ERP44: variants seen among roughly 807,000 people sequenced by gnomAD.
ERP44 encodes the protein endoplasmic reticulum protein 44, also known as endoplasmic reticulum resident protein 44.
ERP44 carries 25 observed loss-of-function variants against 53.4 expected under a neutral mutation model. The observed-to-expected ratio is 0.47, with a 90% CI of 0.34 to 0.65. The LOEUF is 0.65. ERP44 is among the 30% of genes least tolerant of loss of function. The probability of loss-of-function intolerance (pLI) is 0.01; values close to 1 mark genes in which losing one functional copy is unlikely to be tolerated. For synonymous variants in ERP44, 145 were observed against 161.2 expected (o/e 0.90, Z 0.76); for missense variants, 338 against 493.2 (o/e 0.69, Z 2.98).
At chr9:100,054,097 C>G (rs1434170324) in intron 3 of ERP44, among the ~76,000 whole-genome samples, 1 of 152,178 alleles carries the variant, frequency 6.6e-6, no homozygotes, top group African/African-American at 2.4e-5. Flanking sequence ...TCTTCAATCT[C>G]TTGCTTTCAA....
chr9:100,065,797 C>T (rs1268514271), intron 1 of ERP44, among the ~76,000 whole-genome samples: 1 of 152,156 alleles, frequency 6.6e-6, no homozygotes, highest in Non-Finnish European at 1.5e-5. Flanking sequence ...GCTAATAAAA[C>T]ATCAGGTAAA....
rs568471807 is a variant in ERP44, at chr9:100,086,321, C to T, written c.57+12463G>A. The stretch of plus-strand genomic sequence containing the variant: ...TTTGATAAGGCTATGTCATAACTTA[C>T]CAAAGGAAAGAGACAAGTTAACAAA... On this transcript the variant is annotated intron_variant, in intron 1 of 11. Coordinates refer to ENST00000262455, the MANE Select transcript of ERP44 (RefSeq NM_015051.3). 5.3e-5 allele frequency among the ~76,000 whole-genome samples: 8 copies of T among 152,254 alleles called. No homozygotes were observed. In the South Asian group the frequency reaches 1.5e-3, roughly 28 times the overall value.
chr9:100,039,106 A>G lies in ERP44; in HGVS notation c.286+13311T>C, dbSNP rs546828536. 3.9e-4 allele frequency among the ~76,000 whole-genome samples: 59 copies of G among 152,316 alleles called. 2 individuals carry two copies. In the South Asian group the frequency reaches 0.012, roughly 30 times the overall value. On this transcript the variant is annotated intron_variant, in intron 4 of 11. Transcript: ENST00000262455. ...TAATAGCTGGAGACTTAAATACCCTACTTTCAGTCTTGGACAGATCTTCCA... is the reference window on the plus strand; with the variant it reads ...TAATAGCTGGAGACTTAAATACCCTGCTTTCAGTCTTGGACAGATCTTCCA...
At chr9:100,013,297 T>A (rs1830494793) in intron 8 of ERP44, among the ~76,000 whole-genome samples, 1 of 152,142 alleles carries the variant, frequency 6.6e-6, no homozygotes, top group Non-Finnish European at 1.5e-5. Context: ...TAAGCTATAG[T>A]GCTAAAAATT....
Position 100,043,258 on chromosome 9 carries a change from CAAAAAAAAAAAAAAAA to C in ERP44, c.286+9143_286+9158del, listed in dbSNP as rs56066117. Reference sequence around the variant, plus strand: ...TGGGCAACAGAGCGAGACTCTGTCTCAAAAAAAAAAAAAAAAAAAAAAAAAAAAAAAAAGATAAATA... The same window carrying C: ...TGGGCAACAGAGCGAGACTCTGTCTCAAAAAAAAAAAAAAAAAGATAAATA... On this transcript the variant is annotated intron_variant, in intron 4 of 11. Coordinates refer to ENST00000262455, the MANE Select transcript of ERP44 (RefSeq NM_015051.3). 2.2e-3 allele frequency among the ~76,000 whole-genome samples: 45 copies of C among 20,274 alleles called. 1 individual carries two copies. In the South Asian group the frequency reaches 0.078, roughly 35 times the overall value. The allele number at this position is 20,274 out of a possible 152,430, so 13.3% of individuals were successfully genotyped here.
intron 1 of ERP44, among the ~76,000 whole-genome samples, chr9:100,069,319 A>G (rs1023787554): frequency 8.4e-6 from 1 of 118,802 alleles, no homozygotes; most frequent in Non-Finnish European, 1.8e-5. Context: ...CAAACCAACC[A>G]AAAAAAAGAA....
intron 8 of ERP44, among the ~76,000 whole-genome samples, chr9:100,011,927 C>T (rs776055773): frequency 6.6e-6 from 1 of 152,120 alleles, no homozygotes; most frequent in Non-Finnish European, 1.5e-5. Context: ...ATTATTCTTA[C>T]CGCTGCAGCA....
At chr9:100,022,391 T>C (rs902127011) in intron 4 of ERP44, among the ~76,000 whole-genome samples, 165 bp from the exon 5 acceptor site, 7 of 152,196 alleles carry the variant, frequency 4.6e-5, no homozygotes, top group Non-Finnish European at 7.4e-5. Flanking sequence ...TGAGTTTACA[T>C]TATTTAAGAG....
intron 10 of ERP44, among the ~76,000 whole-genome samples, chr9:99,986,120 C>T (rs1180775535): frequency 1.3e-5 from 2 of 152,162 alleles, no homozygotes; most frequent in African/African-American, 4.8e-5. Flanking sequence ...GTAATATTTC[C>T]TTGAGTTATA....
intron 1 of ERP44, among the ~76,000 whole-genome samples, chr9:100,067,218 C>T (rs1049124470): frequency 4.6e-5 from 7 of 152,192 alleles, no homozygotes; most frequent in Non-Finnish European, 1.0e-4. Context: ...CCCTCTCTTT[C>T]CACAGTCTCC....
intron 4 of ERP44, among the ~76,000 whole-genome samples, chr9:100,032,162 T>C (rs531226541): frequency 3.9e-5 from 6 of 152,130 alleles, no homozygotes; most frequent in Admixed American, 3.3e-4. Flanking sequence ...GGACCCTTAA[T>C]TTGGGGGATC....
intron 8 of ERP44, among the ~76,000 whole-genome samples, chr9:100,014,927 C>T (rs188247378): frequency 5.2e-4 from 79 of 152,288 alleles, no homozygotes; most frequent in African/African-American, 1.9e-3. Context: ...AATCCAAAAT[C>T]AGGGTGCCAG....
chr9:100,008,513 A>G (rs1467438973), intron 8 of ERP44, among the ~76,000 whole-genome samples: 3 of 152,192 alleles, frequency 2.0e-5, no homozygotes, highest in African/African-American at 4.8e-5. Flanking sequence ...AAAGGGTCTC[A>G]TAACAAAATT....
chr9:100,037,854 TAACATAAAATGG>T (rs781434522), intron 4 of ERP44, among the ~76,000 whole-genome samples: 2 of 152,124 alleles, frequency 1.3e-5, no homozygotes, highest in Non-Finnish European at 1.5e-5. Flanking sequence ...AAGAAAGAAA[TAACATAAAATGG>T]AACTCCAATA....
chr9:100,044,887 A>C (rs1219391284), intron 4 of ERP44, among the ~76,000 whole-genome samples: 2 of 152,158 alleles, frequency 1.3e-5, no homozygotes, highest in Non-Finnish European at 2.9e-5. Flanking sequence ...ATTTAAACAG[A>C]CTATTTTATA....
intron 8 of ERP44, among the ~76,000 whole-genome samples, chr9:100,010,799 G>C (rs1430969993): frequency 6.6e-6 from 1 of 151,716 alleles, no homozygotes; most frequent in Non-Finnish European, 1.5e-5. Flanking sequence ...TACTCAGGAG[G>C]CTGAGGCAGG....
In ERP44 at chr9:99,982,786, C is replaced by T. The variant is rs376629239; in HGVS notation, c.1120-73G>A. 523 of 801,278 alleles carry T rather than the reference C, an allele frequency of 6.5e-4. 5 individuals carry two copies. In the South Asian group the frequency reaches 9.5e-3, roughly 15 times the overall value. 49.6% of individuals were successfully genotyped at this position (801,278 alleles called of 1,614,324 possible). ...GCTATAATATTTTAATAAGTGTATT[C>T]GATGAATAGTAGTTCCCCTATAATT... On this transcript the variant is annotated intron_variant, in intron 11 of 11. Transcript: ENST00000262455.
chr9:100,068,360 C>A (rs554897538), intron 1 of ERP44, among the ~76,000 whole-genome samples: 5 of 118,344 alleles, frequency 4.2e-5, no homozygotes, highest in Non-Finnish European at 8.6e-5. Context: ...CCCGGCCAGC[C>A]GCCCCGTCCG....
chr9:100,050,537 G>A (rs2118704720), intron 4 of ERP44, among the ~76,000 whole-genome samples: 1 of 152,206 alleles, frequency 6.6e-6, no homozygotes, highest in Non-Finnish European at 1.5e-5. Context: ...AATCTAATTG[G>A]CACATAAGAG....
Sources: gnomAD v4.1 joint callset for allele counts (sites outside exome capture counted in the v4.1 genomes callset) on GRCh38, gnomAD v4.1.1 for gene constraint, MANE v1.5 for transcripts, NCBI Gene and HGNC (gene_info 2026-07-23, HGNC 2026-07-21) for gene names.